FREM2: variants seen among roughly 807,000 people sequenced by gnomAD.
FREM2 encodes the protein FRAS1-related extracellular matrix protein 2.
A neutral mutation model predicts 219.9 loss-of-function variants in FREM2; 119 were observed. The ratio of observed to expected loss-of-function variants is 0.54; its 90% confidence interval spans 0.47 to 0.63. The LOEUF is 0.63. Among genes scored for constraint, FREM2 ranks in the 30% least tolerant of loss-of-function variants. The probability of loss-of-function intolerance (pLI) is 0.00; values close to 1 mark genes in which losing one functional copy is unlikely to be tolerated. For missense variants in FREM2, 4,030 were observed against 3,993.6 expected (o/e 1.01, Z -0.25); for synonymous variants, 1,562 against 1,522.8 (o/e 1.03, Z -0.60).
At chr13:38,822,627 T>C (rs1171616088) in intron 6 of FREM2, among the ~76,000 whole-genome samples, 1 of 152,094 alleles carries the variant, frequency 6.6e-6, no homozygotes, top group Non-Finnish European at 1.5e-5. Flanking sequence ...TATAAGTCTT[T>C]CCAGGGGATC....
In FREM2 at chr13:38,687,524, C is replaced by T. The variant is rs1869522609; in HGVS notation, c.180C>T (p.Leu60=). The stretch of plus-strand genomic sequence containing the variant: ...GCAGGGCGTTGCTGTCCCCTGGTCT[C>T]GCGGGGGCTGCAGGGGTCCCTGCTG... ...AFGRALLSPG[L]AGAAGVPAEE... is the part of the protein sequence containing the mutation. The change falls in exon 1 of 24, where the codon CTC becomes CTT. Residue 60 remains leucine (L), a synonymous_variant. Coordinates refer to ENST00000280481, the MANE Select transcript of FREM2 (RefSeq NM_207361.6). The T allele has an allele frequency of 6.3e-7, 1 of 1,598,646 alleles. No individual in the cohort carries two copies. The highest frequency in any genetic ancestry group is 2.3e-5 in the East Asian group (1 of 44,440).
In FREM2 at chr13:38,729,510, T is replaced by A. The variant is rs572403295; in HGVS notation, c.5263+31723T>A. Among the ~76,000 whole-genome samples, 110 of 152,340 alleles carry A rather than the reference T, an allele frequency of 7.2e-4. 1 individual carries two copies. The highest frequency in any genetic ancestry group is 2.5e-3 in the African/African-American group (104 of 41,584). ...CATAATTATCACTAAATTCTTGACC[T>A]AACTAGGAATTTGTGCTAATTTTAT... On this transcript the variant is annotated intron_variant, in intron 2 of 23. Coordinates refer to ENST00000280481, the MANE Select transcript of FREM2 (RefSeq NM_207361.6).
At chr13:38,870,627 T>C (rs370223214) in intron 16 of FREM2, among the ~76,000 whole-genome samples, 1 of 152,238 alleles carries the variant, frequency 6.6e-6, no homozygotes, top group East Asian at 1.9e-4. Context: ...AGGCTCCAGT[T>C]CCTCCAGGTA....
intron 2 of FREM2, among the ~76,000 whole-genome samples, chr13:38,709,440 TAA>T (rs1412211054): frequency 6.6e-6 from 1 of 152,144 alleles, no homozygotes; most frequent in African/African-American, 2.4e-5. Flanking sequence ...TATAACTGTG[TAA>T]ATATATAGAC....
chr13:38,697,788 G>T lies in FREM2; in HGVS notation c.5263+1G>T, dbSNP rs757243985. The T allele has an allele frequency of 6.4e-7, 1 of 1,567,840 alleles. No homozygotes were observed. The highest frequency in any genetic ancestry group is 8.8e-7 in the Non-Finnish European group (1 of 1,137,980). On this transcript the variant is annotated splice_donor_variant, in intron 2 of 23. Transcript: ENST00000280481. LOFTEE classifies it high-confidence loss of function. ...TTCTATTTTGCAGTTGAAGATGGTG[G>T]TAAGTATTCCCCTCTCCTGGTAGTG...
Position 38,880,536 on chromosome 13 carries a change from A to T in FREM2, c.9259A>T (p.Ile3087Phe), listed in dbSNP as rs1405942716. Residue 3087 changes from isoleucine to phenylalanine, a missense_variant, in exon 24 of 24, where the codon ATC becomes TTC. By Grantham distance (21) the Ile-to-Phe change is conservative. Transcript: ENST00000280481. ...HIALDRTKRQ[I>F]PHGRAPPDGI... ...TGCCCTGGACCGCACCAAGAGGCAG[A>T]TCCCCCATGGGAGAGCACCTCCAGA... 1.9e-6 allele frequency: 3 copies of T among 1,614,198 alleles called. No individual in the cohort carries two copies. In the South Asian group the frequency reaches 3.3e-5, roughly 18 times the overall value.
At chr13:38,841,327 G>A (rs773979109) in intron 6 of FREM2, among the ~76,000 whole-genome samples, 14 of 152,120 alleles carry the variant, frequency 9.2e-5, no homozygotes, top group Non-Finnish European at 1.9e-4. Context: ...CTGTGTGGAG[G>A]CAAGGGGCAT....
chr13:38,852,970 T>A (rs1180976814), intron 11 of FREM2, among the ~76,000 whole-genome samples: 1 of 151,912 alleles, frequency 6.6e-6, no homozygotes. Context: ...CCTCCCAAAG[T>A]GCTTGGATTA....
Position 38,692,342 on chromosome 13 carries a change from ACTTCG to A in FREM2, c.5000_5004del (p.Leu1667HisfsTer29). On this transcript the variant is annotated frameshift_variant, in exon 1 of 24. Transcript: ENST00000280481. LOFTEE classifies it high-confidence loss of function. Reference sequence around the variant, plus strand: ...TCGCAGTGAATAAGGGGGCCTCTACACTTCGCACTCTAGCCACTGGCCACTTGGGG... The same window carrying A: ...TCGCAGTGAATAAGGGGGCCTCTACACACTCTAGCCACTGGCCACTTGGGG... 6.2e-7 allele frequency: 1 copy of A among 1,604,430 alleles called. No homozygotes were observed. The highest frequency in any genetic ancestry group is 8.5e-7 in the Non-Finnish European group (1 of 1,174,798).
chr13:38,808,191 C>T (rs1875328528), intron 6 of FREM2, among the ~76,000 whole-genome samples: 2 of 151,962 alleles, frequency 1.3e-5, no homozygotes, highest in South Asian at 4.1e-4. Context: ...CCTCGCCCCT[C>T]TCAGAATTGA....
At chr13:38,792,691 C>T (rs1490074192) in intron 6 of FREM2, among the ~76,000 whole-genome samples, 2 of 152,094 alleles carry the variant, frequency 1.3e-5, no homozygotes, top group Non-Finnish European at 2.9e-5. Context: ...AATGTATCCT[C>T]CACAGATAAG....
chr13:38,694,201 AGTT>A (rs1453239555), intron 1 of FREM2, among the ~76,000 whole-genome samples: 1 of 152,212 alleles, frequency 6.6e-6, no homozygotes, highest in Non-Finnish European at 1.5e-5. Context: ...CATTATAGGC[AGTT>A]GTTCTTTCTC....
At chr13:38,860,452 A>T (rs1352689163) in intron 14 of FREM2, among the ~76,000 whole-genome samples, 1 of 152,356 alleles carries the variant, frequency 6.6e-6, no homozygotes, top group East Asian at 1.9e-4. Flanking sequence ...TTTCTAAATC[A>T]TCTATTTGCA....
chr13:38,771,106 TAAAG>T (rs1873644770), intron 4 of FREM2, among the ~76,000 whole-genome samples: 1 of 152,180 alleles, frequency 6.6e-6, no homozygotes, highest in Non-Finnish European at 1.5e-5. Context: ...TAAGCATAAT[TAAAG>T]AAAGTGAATA....
rs1298858098 is a variant in FREM2 at position 38,850,156 on chromosome 13, C to A, written c.6498C>A (p.Thr2166=). The A allele has an allele frequency of 1.2e-6, 2 of 1,613,970 alleles. No individual in the cohort carries two copies. Among genetic ancestry groups the A allele is most frequent in the Non-Finnish European group, 1.7e-6 (2 of 1,179,900 alleles). The change falls in exon 9 of 24, where the codon ACC becomes ACA. Residue 2166 remains threonine (T), a synonymous_variant. Transcript: ENST00000280481. The stretch of plus-strand genomic sequence containing the variant: ...ACAGATCTTCAGTGAGATGCTACAC[C>A]CGGCAGGGGTCTGCACAGGTGATGA... ...VQYRSSVRCY[T]RQGSAQVMMD... is the part of the protein sequence containing the mutation.
chr13:38,772,853 C>T (rs377423943), intron 4 of FREM2, among the ~76,000 whole-genome samples: 14 of 152,026 alleles, frequency 9.2e-5, no homozygotes, highest in East Asian at 1.9e-4. Flanking sequence ...GTTGCCACCA[C>T]GCCCGGCTAA....
chr13:38,775,096 T>C lies in FREM2; in HGVS notation c.5641+5288T>C, dbSNP rs150736504. ...TTAAAGGTTAAAAACCTAATATTAATGAGTACAAAGAAAAGACAAAAATCT... is the reference window on the plus strand; with the variant it reads ...TTAAAGGTTAAAAACCTAATATTAACGAGTACAAAGAAAAGACAAAAATCT... On this transcript the variant is annotated intron_variant, in intron 4 of 23. Transcript: ENST00000280481. Among the ~76,000 whole-genome samples, 507 of 152,268 alleles carry C rather than the reference T, an allele frequency of 3.3e-3. 11 individuals are homozygous for C. The highest frequency in any genetic ancestry group is 5.6e-3 in the East Asian group (29 of 5,192).
chr13:38,734,371 C>A (rs187746286), intron 2 of FREM2, among the ~76,000 whole-genome samples: 1 of 152,098 alleles, frequency 6.6e-6, no homozygotes, highest in Non-Finnish European at 1.5e-5. Context: ...TAAGAAGAAA[C>A]GTATTTCTTT....
intron 2 of FREM2, among the ~76,000 whole-genome samples, chr13:38,720,876 T>C (rs1871208676): frequency 6.6e-6 from 1 of 152,204 alleles, no homozygotes; most frequent in Non-Finnish European, 1.5e-5. Context: ...CAACAAGTTC[T>C]AAGATACATT....
Sources: gnomAD v4.1 joint callset for allele counts (sites outside exome capture counted in the v4.1 genomes callset) on GRCh38, gnomAD v4.1.1 for gene constraint, MANE v1.5 for transcripts, NCBI Gene and HGNC (gene_info 2026-07-23, HGNC 2026-07-21) for gene names.